Variants in LTBP2 observed in about 807,000 individuals in gnomAD.
The protein encoded by LTBP2 is latent transforming growth factor beta binding protein 2.
Under a neutral mutation model 210.6 loss-of-function variants are expected in LTBP2, and 103 were observed. That is an observed-to-expected ratio of 0.49 (90% CI 0.42 to 0.58). The LOEUF (loss-of-function observed/expected upper bound fraction) is 0.58. LTBP2 is among the 20% of genes least tolerant of loss of function. The pLI is 0.00. For missense variants in LTBP2, 2,313 were observed against 2,494.5 expected, an observed-to-expected ratio of 0.93 and a Z score of 1.55; for synonymous variants, 1,007 against 1,015.0, an observed-to-expected ratio of 0.99 and a Z score of 0.15.
At position 74,586,238 on chromosome 14, in the gene LTBP2, G is replaced by T; in HGVS notation, c.566-120C>A. The T allele has an allele frequency of 8.5e-7, 1 of 1,176,180 alleles. No individual in the cohort carries two copies. The highest frequency in any genetic ancestry group is 1.2e-6 in the Non-Finnish European group (1 of 839,462). The allele number at this position is 1,176,180 out of a possible 1,614,324, so 72.9% of individuals were successfully genotyped here. On this transcript the variant is annotated intron_variant, in intron 2 of 35. Coordinates refer to ENST00000261978, the MANE Select transcript of LTBP2 (RefSeq NM_000428.3). The surrounding 1 kb of genome is among the most constrained non-coding windows in gnomAD (Gnocchi z 4.6). ...TGCAACCCTGTCGCTCAAGCAGGAA[G>T]CCACTCTCCTGGCCTCAGGGGGCTC...
chr14:74,529,092 A>C lies in LTBP2; in HGVS notation c.2018T>G (p.Leu673Arg). 6.4e-7 allele frequency: 1 copy of C among 1,553,136 alleles called. No individual in the cohort carries two copies. The highest frequency in any genetic ancestry group is 8.7e-7 in the Non-Finnish European group (1 of 1,148,062). Residue 673 changes from leucine to arginine, a missense_variant, in exon 11 of 36, where the codon CTG (leucine) becomes CGG (arginine). Coordinates refer to ENST00000261978, the MANE Select transcript of LTBP2 (RefSeq NM_000428.3). ...GCCGGGCCCCAGCGACCGGTAGCAC[A>C]GTCCCTGCAGCATGGAGATTGCCTT... Reference protein sequence around the residue: ...SDKAISMLQGLCYRSLGPGTC... With the variant: ...SDKAISMLQGRCYRSLGPGTC...
intron 2 of LTBP2, among the ~76,000 whole-genome samples, chr14:74,599,717 G>A (rs566945249): frequency 4.6e-5 from 7 of 152,372 alleles, no homozygotes; most frequent in Admixed American, 3.9e-4. Context: ...TGCAGAACAG[G>A]GCGGAAGGAG....
At chr14:74,526,552 G>T (rs1395308572) in intron 13 of LTBP2, among the ~76,000 whole-genome samples, 3 of 152,226 alleles carry the variant, frequency 2.0e-5, no homozygotes, top group Admixed American at 1.3e-4. Context: ...CCAGTGGACA[G>T]AATTTGCTGA....
Position 74,516,952 on chromosome 14 carries a change from A to C in LTBP2, c.2789-11T>G. 2 of 1,550,790 alleles carry C rather than the reference A, an allele frequency of 1.3e-6. No homozygotes were observed. The highest frequency in any genetic ancestry group is 1.7e-6 in the Non-Finnish European group (2 of 1,147,002). On this transcript the variant is annotated splice_polypyrimidine_tract_variant and intron_variant, in intron 17 of 35. Coordinates refer to ENST00000261978, the MANE Select transcript of LTBP2 (RefSeq NM_000428.3). ...CACACTCATTGATATCTGTGAACAC[A>C]CAGAAAAGCCCTGAGTCACAGCCAG...
chr14:74,572,307 C>CTGTG (rs1203424524), intron 3 of LTBP2, among the ~76,000 whole-genome samples: 16 of 140,342 alleles, frequency 1.1e-4, no homozygotes, highest in African/African-American at 3.9e-4. Flanking sequence ...GTGTGTGTGT[C>CTGTG]TGTGTGTGTG....
chr14:74,555,390 G>A (rs2139752014), intron 4 of LTBP2, 113 bp downstream of exon 4: 7 of 1,109,430 alleles, frequency 6.3e-6, no homozygotes, highest in Non-Finnish European at 8.0e-6. Flanking sequence ...CTGAAAGAAT[G>A]AGGGACAAGG....
At chr14:74,602,102 T>C (rs1459073236) in intron 2 of LTBP2, among the ~76,000 whole-genome samples, 3 of 152,196 alleles carry the variant, frequency 2.0e-5, no homozygotes, top group Non-Finnish European at 1.5e-5. Flanking sequence ...CTCTGGAATA[T>C]CCAGGCCTCG....
chr14:74,562,233 AG>A (rs2087803558), intron 3 of LTBP2, among the ~76,000 whole-genome samples: 1 of 152,026 alleles, frequency 6.6e-6, no homozygotes. Flanking sequence ...AGAAAAGAAA[AG>A]AAAAGAAAAA....
chr14:74,534,602 C>A (rs1455802121), intron 9 of LTBP2, among the ~76,000 whole-genome samples: 1 of 152,092 alleles, frequency 6.6e-6, no homozygotes, highest in East Asian at 1.9e-4. Flanking sequence ...AAGAATGCCC[C>A]GCTCATTAGA....
chr14:74,590,221 T>G (rs1050650438), intron 2 of LTBP2, among the ~76,000 whole-genome samples: 11 of 152,306 alleles, frequency 7.2e-5, no homozygotes, highest in African/African-American at 2.6e-4. Context: ...ACCACCCCTA[T>G]GGAAAACAGT....
At chr14:74,523,686 T>C (rs1460087058) in intron 15 of LTBP2, among the ~76,000 whole-genome samples, 1 of 152,146 alleles carries the variant, frequency 6.6e-6, no homozygotes, top group African/African-American at 2.4e-5. Flanking sequence ...GTATCCCTAA[T>C]ACTAGAAAGG....
At chr14:74,510,721 C>T (rs1024655302) in intron 19 of LTBP2, among the ~76,000 whole-genome samples, 1 of 152,236 alleles carries the variant, frequency 6.6e-6, no homozygotes, top group Non-Finnish European at 1.5e-5. Flanking sequence ...AGCCTCAAAG[C>T]GTCTATTCAA....
At chr14:74,569,417 C>G (rs570846743) in intron 3 of LTBP2, among the ~76,000 whole-genome samples, 1 of 152,288 alleles carries the variant, frequency 6.6e-6, no homozygotes, top group South Asian at 2.1e-4. Context: ...CCTCTTAGCA[C>G]AGGTTCTTTG....
At chr14:74,531,178 C>G (rs1221094965) in intron 10 of LTBP2, among the ~76,000 whole-genome samples, 1 of 152,114 alleles carries the variant, frequency 6.6e-6, no homozygotes, top group Non-Finnish European at 1.5e-5. Context: ...GGGAAGGAGG[C>G]AGAACTCAGA....
chr14:74,606,756 T>C (rs1289754288), intron 1 of LTBP2, among the ~76,000 whole-genome samples: 1 of 152,076 alleles, frequency 6.6e-6, no homozygotes, highest in South Asian at 2.1e-4. Flanking sequence ...GGCAGAAGAA[T>C]TGCTTGAACC....
intron 10 of LTBP2, among the ~76,000 whole-genome samples, chr14:74,532,199 A>T: frequency 6.6e-6 from 1 of 152,270 alleles, no homozygotes; most frequent in Non-Finnish European, 1.5e-5. Context: ...GGCCCGGAAA[A>T]AATGCCTAGT....
At chr14:74,551,662 C>T (rs1031349980) in intron 6 of LTBP2, among the ~76,000 whole-genome samples, 1 of 152,168 alleles carries the variant, frequency 6.6e-6, no homozygotes, top group African/African-American at 2.4e-5. Context: ...GCCCCACCTC[C>T]GTGCCTTTGC....
intron 8 of LTBP2, among the ~76,000 whole-genome samples, chr14:74,538,053 C>A (rs2087445702): frequency 6.6e-6 from 1 of 152,136 alleles, no homozygotes; most frequent in African/African-American, 2.4e-5. Context: ...CCGCACCCAG[C>A]CTTTCATATA....
intron 10 of LTBP2, among the ~76,000 whole-genome samples, chr14:74,532,192 C>T (rs1297688154): frequency 6.6e-6 from 1 of 152,170 alleles, no homozygotes; most frequent in Non-Finnish European, 1.5e-5. Flanking sequence ...CTGCAAAGGC[C>T]CGGAAAAAAT....
Sources: allele counts gnomAD v4.1 joint callset (sites outside exome capture counted in the v4.1 genomes callset), GRCh38; gene constraint gnomAD v4.1.1; non-coding constraint Gnocchi (gnomAD v3.1); transcripts MANE v1.5; gene names NCBI Gene and HGNC (gene_info 2026-07-23, HGNC 2026-07-21).